The following QDPR variants were observed in gnomAD, a reference collection of about 807,000 sequenced individuals.
QDPR encodes the protein quinoid dihydropteridine reductase.
QDPR carries 23 observed loss-of-function variants against 31.7 expected under a neutral mutation model. The ratio of observed to expected loss-of-function variants is 0.73; its 90% CI spans 0.52 to 1.03. The LOEUF (loss-of-function observed/expected upper bound fraction) is 1.03, where lower values mean the gene tolerates loss of function less well. QDPR is among the 50% of genes least tolerant of loss of function. The pLI is 0.00. For synonymous variants in QDPR, 124 were observed against 124.7 expected, an observed-to-expected ratio of 0.99 and a Z score of 0.03; for missense variants, 324 against 323.8, an observed-to-expected ratio of 1.00 and a Z score of 0.00.
intron 4 of QDPR, among the ~76,000 whole-genome samples, chr4:17,493,678 G>A (rs1171668720): frequency 2.6e-5 from 4 of 152,036 alleles, no homozygotes; most frequent in South Asian, 4.2e-4. Context: ...GAACTTCCAC[G>A]CCTGCTCCAG....
chr4:17,495,502 G>A (rs1718319267), intron 4 of QDPR, among the ~76,000 whole-genome samples: 1 of 152,216 alleles, frequency 6.6e-6, no homozygotes, highest in Non-Finnish European at 1.5e-5. Flanking sequence ...ACTGTGACTT[G>A]GGCGAGCAGC....
intron 5 of QDPR, among the ~76,000 whole-genome samples, chr4:17,491,551 A>T (rs1718165430): frequency 6.6e-6 from 1 of 152,146 alleles, no homozygotes; most frequent in African/African-American, 2.4e-5. Flanking sequence ...TCTCTCTCTC[A>T]CACATACATA....
chr4:17,489,478 C>G (rs1718083078), intron 6 of QDPR, among the ~76,000 whole-genome samples: 1 of 152,160 alleles, frequency 6.6e-6, no homozygotes, highest in Non-Finnish European at 1.5e-5. Context: ...TCCTGCAAAT[C>G]AAGCATGAAG....
rs1243913067 is a variant in QDPR, at chr4:17,500,045, G to A, written c.436+1674C>T. Reference sequence around the variant, plus strand: ...GTTGCCCAGGCTGGAGTGCAGTGGCGCGATCTCGGCTCACTGCAAGCTCCA... The same window carrying A: ...GTTGCCCAGGCTGGAGTGCAGTGGCACGATCTCGGCTCACTGCAAGCTCCA... On this transcript the variant is annotated intron_variant, in intron 4 of 6. Coordinates refer to ENST00000281243, the MANE Select transcript of QDPR (RefSeq NM_000320.3). 8.6e-5 allele frequency among the ~76,000 whole-genome samples: 13 copies of A among 151,418 alleles called. No individual in the cohort carries two copies. The East Asian group carries it at 9.7e-4, about 11-fold the overall frequency.
chr4:17,496,924 T>G (rs1718381496), intron 4 of QDPR, among the ~76,000 whole-genome samples: 1 of 152,096 alleles, frequency 6.6e-6, no homozygotes, highest in Non-Finnish European at 1.5e-5. Context: ...AGCTGGTTAT[T>G]TTTGTATTTT....
intron 6 of QDPR, chr4:17,490,071 A>G (rs1264673014): frequency 1.2e-5 from 2 of 165,264 alleles, no homozygotes; most frequent in African/African-American, 4.8e-5. Flanking sequence ...ACAAAAGAGG[A>G]ATTCAGCTCT....
At chr4:17,509,934 C>G (rs1190230690) in intron 1 of QDPR, 1 of 456,042 alleles carries the variant, frequency 2.2e-6, no homozygotes, top group Non-Finnish European at 4.4e-6. Context: ...TCACAATTAC[C>G]TTAGGCTTTG....
At chr4:17,493,020 T>G (rs12512471) in intron 4 of QDPR, among the ~76,000 whole-genome samples, 16,359 of 152,164 alleles carry the variant, frequency 0.11, 1,777 homozygotes, top group East Asian at 0.44. Flanking sequence ...TACCACTAAA[T>G]AAATTCTGGG....
At chr4:17,511,905 C>T in intron 1 of QDPR, 45 bp downstream of exon 1, 1 of 1,581,350 alleles carries the variant, frequency 6.3e-7, no homozygotes. Flanking sequence ...CGAAAGCCCC[C>T]GGCCACCCCC....
chr4:17,510,728 T>TA lies in QDPR; in HGVS notation c.105+1221dup, dbSNP rs570742966. On this transcript the variant is annotated intron_variant, in intron 1 of 6. Transcript: ENST00000281243. ...ATGACGCTAACAGGATCTACTGCCT[T>TA]AAAGATATTGGGGGCATTAAGAGTC... Among the ~76,000 whole-genome samples, 20 of 152,286 alleles carry TA rather than the reference T, an allele frequency of 1.3e-4. 1 individual carries two copies. In the East Asian group the frequency reaches 3.7e-3, roughly 28 times the overall value.
At position 17,486,608 on chromosome 4, in the gene QDPR, G is replaced by A. The variant is rs1717964459; in HGVS notation, c.*523C>T. ...TAGTTATCTTGCACACTTAACCCTA[G>A]GCCAGAGGACACGGGGCAACCACAC... On this transcript the variant is annotated 3_prime_UTR_variant, in exon 7 of 7. Coordinates refer to ENST00000281243, the MANE Select transcript of QDPR (RefSeq NM_000320.3). 1.8e-5 allele frequency: 3 copies of A among 168,914 alleles called. No individual in the cohort carries two copies. The highest frequency in any genetic ancestry group is 1.1e-4 in the Admixed American group (2 of 18,132). 10.5% of individuals were successfully genotyped at this position (168,914 alleles called of 1,614,324 possible). A position where few individuals can be genotyped will look rare whatever the true frequency, so the allele number is the denominator to read the frequency against.
chr4:17,492,427 C>A, intron 4 of QDPR, 87 bp from the exon 5 acceptor site: 1 of 1,089,804 alleles, frequency 9.2e-7, no homozygotes, highest in Non-Finnish European at 1.4e-6. Context: ...GATCTCTATT[C>A]CCTAAAAACT....
intron 4 of QDPR, among the ~76,000 whole-genome samples, chr4:17,495,904 T>G (rs543401207): frequency 2.6e-5 from 4 of 151,428 alleles, no homozygotes; most frequent in Non-Finnish European, 4.4e-5. Flanking sequence ...AGCTACCCGG[T>G]AGGCTGAGGT....
intron 6 of QDPR, chr4:17,490,250 G>A (rs756380279): frequency 3.4e-6 from 1 of 292,370 alleles, no homozygotes; most frequent in East Asian, 7.9e-5. Flanking sequence ...CATCACAGCA[G>A]TAAGGACACA....
At chr4:17,497,741 A>G (rs577616601) in intron 4 of QDPR, among the ~76,000 whole-genome samples, 1 of 152,276 alleles carries the variant, frequency 6.6e-6, no homozygotes, top group South Asian at 2.1e-4. Flanking sequence ...GCTTAGCCCA[A>G]CAAGCCAAGC....
At chr4:17,501,049 C>T (rs565706023) in intron 4 of QDPR, among the ~76,000 whole-genome samples, 1 of 152,344 alleles carries the variant, frequency 6.6e-6, no homozygotes, top group Non-Finnish European at 1.5e-5. Flanking sequence ...TACAGTTTTA[C>T]AGTACTCTTC....
At chr4:17,499,704 G>A (rs1718491832) in intron 4 of QDPR, among the ~76,000 whole-genome samples, 1 of 152,184 alleles carries the variant, frequency 6.6e-6, no homozygotes, top group Non-Finnish European at 1.5e-5. Flanking sequence ...AGCATCACCT[G>A]AAGCCAGGAA....
At chr4:17,503,969 T>C in intron 3 of QDPR, among the ~76,000 whole-genome samples, 1 of 146,478 alleles carries the variant, frequency 6.8e-6, no homozygotes, top group African/African-American at 2.5e-5. Context: ...GGTAGGGGAG[T>C]AGAGGGGAGG....
chr4:17,490,509 G>A lies in QDPR; in HGVS notation c.629+153C>T, dbSNP rs146860660. 3.6e-3 allele frequency: 2,381 copies of A among 662,544 alleles called. 13 individuals carry two copies. Among genetic ancestry groups the A allele is most frequent in the Non-Finnish European group, 4.2e-3 (1,489 of 355,264 alleles). The allele number at this position is 662,544 out of a possible 1,614,324, so 41.0% of individuals were successfully genotyped here. A position where few individuals can be genotyped will look rare whatever the true frequency, so the allele number is the denominator to read the frequency against. Reference sequence around the variant, plus strand: ...CCAAGTCCAGCTACTCTGAGATTCCGTCTGATGTGCAATGCATCCTCAGAG... The same window carrying A: ...CCAAGTCCAGCTACTCTGAGATTCCATCTGATGTGCAATGCATCCTCAGAG... On this transcript the variant is annotated intron_variant, in intron 6 of 6. Coordinates refer to ENST00000281243, the MANE Select transcript of QDPR (RefSeq NM_000320.3).
Sources: gnomAD v4.1 joint callset for allele counts (sites outside exome capture counted in the v4.1 genomes callset) on GRCh38, gnomAD v4.1.1 for gene constraint, MANE v1.5 for transcripts, NCBI Gene and HGNC (gene_info 2026-07-23, HGNC 2026-07-21) for gene names.